Variants in AGBL1 observed in about 807,000 individuals in gnomAD.
The protein encoded by AGBL1 is AGBL carboxypeptidase 1.
AGBL1 carries 130 observed loss-of-function variants against 118.9 expected under a neutral mutation model. The ratio of observed to expected loss-of-function variants is 1.09; its 90% CI spans 0.95 to 1.26. The LOEUF is 1.26. AGBL1 is among the 50% of genes most tolerant of loss of function. The pLI, the probability that AGBL1 is intolerant of heterozygous loss-of-function variation, is 0.00. For synonymous variants in AGBL1, 555 were observed against 478.9 expected (o/e 1.16, Z -2.08); for missense variants, 1,584 against 1,298.1 (o/e 1.22, Z -3.38).
At position 86,232,475 on chromosome 15, in the gene AGBL1, G is replaced by A. The variant is rs2078471735; in HGVS notation, c.526+7524G>A. ...TATTCCATACTATCTGTGCTTCCCA[G>A]CGTTAGCAGCTTGCGTGTCTTGAAG... On this transcript the variant is annotated intron_variant, in intron 6 of 22. Transcript: ENST00000614907. Among the ~76,000 whole-genome samples, 5 of 152,200 alleles carry A rather than the reference G, an allele frequency of 3.3e-5. No individual in the cohort carries two copies. The South Asian group carries it at 1.0e-3, about 31-fold the overall frequency.
chr15:86,707,682 C>T lies in AGBL1; in HGVS notation c.3158+33246C>T, dbSNP rs529491555. ...TTCAATAAAAATCCTTTTTTCTGGACTTTCTTTATAAAATATTGAAGCAAC... is the reference window on the plus strand; with the variant it reads ...TTCAATAAAAATCCTTTTTTCTGGATTTTCTTTATAAAATATTGAAGCAAC... On this transcript the variant is annotated intron_variant, in intron 22 of 22. Coordinates refer to ENST00000614907, the MANE Select transcript of AGBL1 (RefSeq NM_001386094.1). 2.8e-3 allele frequency among the ~76,000 whole-genome samples: 424 copies of T among 152,200 alleles called. 1 individual carries two copies. Among genetic ancestry groups the T allele is most frequent in the South Asian group, 0.01 (49 of 4,822 alleles).
intron 1 of AGBL1, chr15:86,110,038 T>C (rs757831243): frequency 2.6e-5 from 4 of 152,214 alleles, no homozygotes; most frequent in African/African-American, 7.2e-5. Context: ...TTGCTAGTGG[T>C]ACAAAATCAT....
intron 21 of AGBL1, among the ~76,000 whole-genome samples, chr15:86,616,671 GT>G (rs1261915179): frequency 6.6e-6 from 1 of 152,114 alleles, no homozygotes; most frequent in Non-Finnish European, 1.5e-5. Flanking sequence ...TGGAAATATT[GT>G]TATACTTGGC....
intron 22 of AGBL1, among the ~76,000 whole-genome samples, chr15:86,802,722 A>C (rs1053930116): frequency 1.3e-5 from 2 of 152,152 alleles, no homozygotes; most frequent in African/African-American, 4.8e-5. Flanking sequence ...TATAAATGCA[A>C]TTCATGGAGC....
intron 21 of AGBL1, among the ~76,000 whole-genome samples, chr15:86,601,370 T>G (rs2142371408): frequency 6.6e-6 from 1 of 152,264 alleles, no homozygotes. Context: ...TATGTGTTGC[T>G]TATACTAATA....
intron 18 of AGBL1, 28 bp downstream of exon 18, chr15:86,397,574 C>T (rs1244369334): frequency 3.2e-6 from 5 of 1,578,698 alleles, no homozygotes; most frequent in Admixed American, 1.7e-5. Flanking sequence ...CTCAGCCAAA[C>T]CCACAATTAT....
chr15:86,878,032 G>C (rs746916630), intron 22 of AGBL1, among the ~76,000 whole-genome samples: 1 of 152,166 alleles, frequency 6.6e-6, no homozygotes, highest in African/African-American at 2.4e-5. Flanking sequence ...TGTAAACTGC[G>C]TCTGTTCTGG....
intron 22 of AGBL1, among the ~76,000 whole-genome samples, chr15:86,798,201 A>G (rs2078600839): frequency 6.6e-6 from 1 of 152,124 alleles, no homozygotes; most frequent in Admixed American, 6.5e-5. Context: ...ATTCCACCAC[A>G]TTTATCTTTG....
At chr15:86,326,848 A>C (rs2141853804) in intron 17 of AGBL1, among the ~76,000 whole-genome samples, 1 of 152,306 alleles carries the variant, frequency 6.6e-6, no homozygotes. Flanking sequence ...GGGGGTCAGA[A>C]TAGATTAGTC....
intron 22 of AGBL1, among the ~76,000 whole-genome samples, chr15:86,901,250 CT>C (rs2080208310): frequency 6.6e-6 from 1 of 151,838 alleles, no homozygotes; most frequent in Non-Finnish European, 1.5e-5. Flanking sequence ...GTTCAATTGC[CT>C]TTGGTGTCAA....
chr15:86,576,054 T>C (rs1183059979), intron 21 of AGBL1, among the ~76,000 whole-genome samples: 1 of 152,220 alleles, frequency 6.6e-6, no homozygotes, highest in African/African-American at 2.4e-5. Flanking sequence ...GTCTGAACAT[T>C]GGATGACTCA....
intron 18 of AGBL1, among the ~76,000 whole-genome samples, chr15:86,520,251 C>G (rs1333113515): frequency 6.6e-6 from 1 of 152,206 alleles, no homozygotes; most frequent in African/African-American, 2.4e-5. Flanking sequence ...GTCATGCACA[C>G]AGACATAGGT....
At chr15:86,155,083 T>C (rs2077170088) in intron 4 of AGBL1, among the ~76,000 whole-genome samples, 1 of 152,226 alleles carries the variant, frequency 6.6e-6, no homozygotes, top group African/African-American at 2.4e-5. Context: ...TTGATATTTA[T>C]TTGCTATCTC....
chr15:86,876,186 A>G (rs2141518377), intron 22 of AGBL1, among the ~76,000 whole-genome samples: 1 of 152,286 alleles, frequency 6.6e-6, no homozygotes, highest in South Asian at 2.1e-4. Context: ...GGACTCTGAA[A>G]CCCCAGCCCA....
intron 19 of AGBL1, among the ~76,000 whole-genome samples, chr15:86,545,416 C>G (rs1235333475): frequency 3.3e-5 from 5 of 151,372 alleles, no homozygotes; most frequent in African/African-American, 1.2e-4. Context: ...TTTTAACCTT[C>G]AAGTTCAGGG....
intron 3 of AGBL1, among the ~76,000 whole-genome samples, chr15:86,151,998 A>C (rs1405448115): frequency 6.6e-6 from 1 of 152,228 alleles, no homozygotes; most frequent in Non-Finnish European, 1.5e-5. Flanking sequence ...ACTACAAATC[A>C]CTGCTCAGCG....
At chr15:86,847,361 T>A (rs1265218851) in intron 22 of AGBL1, among the ~76,000 whole-genome samples, 3 of 152,192 alleles carry the variant, frequency 2.0e-5, no homozygotes. Flanking sequence ...AAATTGTAGA[T>A]AATGCATTGT....
At chr15:86,597,894 T>C (rs1045633130) in intron 21 of AGBL1, among the ~76,000 whole-genome samples, 2 of 152,092 alleles carry the variant, frequency 1.3e-5, no homozygotes, top group Admixed American at 1.3e-4. Context: ...CTTTCTCTAG[T>C]CTGTTCTGAA....
intron 7 of AGBL1, among the ~76,000 whole-genome samples, chr15:86,250,450 C>T (rs1266969923): frequency 7.2e-6 from 1 of 139,422 alleles, no homozygotes; most frequent in Non-Finnish European, 1.5e-5. Context: ...TGCTTGAACC[C>T]AGGAAGTGGA....
Sources: allele counts gnomAD v4.1 joint callset (sites outside exome capture counted in the v4.1 genomes callset), GRCh38; gene constraint gnomAD v4.1.1; transcripts MANE v1.5; gene names NCBI Gene and HGNC (gene_info 2026-07-23, HGNC 2026-07-21).